The following BHMT variants were observed in gnomAD, a reference collection of about 807,000 sequenced individuals.
BHMT encodes the protein betaine--homocysteine S-methyltransferase, also known as betaine--homocysteine S-methyltransferase 1.
In BHMT, 38 loss-of-function variants were observed where a neutral mutation model predicts 49.5. The observed-to-expected ratio is 0.77, with a 90% CI of 0.59 to 1.01. BHMT has a LOEUF of 1.01. Among genes scored for constraint, BHMT ranks in the 50% least tolerant of loss-of-function variants. The probability of loss-of-function intolerance (pLI) is 0.00; values close to 1 mark genes in which losing one functional copy is unlikely to be tolerated. For missense variants in BHMT, 426 were observed against 495.7 expected, an observed-to-expected ratio of 0.86 and a Z score of 1.34; for synonymous variants, 166 against 176.3, an observed-to-expected ratio of 0.94 and a Z score of 0.46.
At chr5:79,128,834 G>A (rs750289612) in intron 7 of BHMT, among the ~76,000 whole-genome samples, 6 of 152,276 alleles carry the variant, frequency 3.9e-5, no homozygotes, top group Admixed American at 1.3e-4. Flanking sequence ...ACTGGGAAGG[G>A]CAGTAGGAAT....
At position 79,126,173 on chromosome 5, in the gene BHMT, C is replaced by T. The variant is rs1561255433; in HGVS notation, c.753C>T (p.Tyr251=). The T allele has an allele frequency of 6.2e-7, 1 of 1,613,812 alleles. No individual in the cohort carries two copies. Among genetic ancestry groups the T allele is most frequent in the Non-Finnish European group, 8.5e-7 (1 of 1,179,720 alleles). The change falls in exon 6 of 8, where the codon TAC becomes TAT. Residue 251 remains tyrosine (Y), a synonymous_variant. Coordinates refer to ENST00000274353, the MANE Select transcript of BHMT (RefSeq NM_001713.3). ...ACCTGATGAGCCAGCCCTTGGCTTACCACACTCCTGACTGCAACAAGCAGG... is the reference window on the plus strand; with the variant it reads ...ACCTGATGAGCCAGCCCTTGGCTTATCACACTCCTGACTGCAACAAGCAGG... ...KAHLMSQPLA[Y]HTPDCNKQGF...
In BHMT at chr5:79,115,940, G is replaced by A. The variant is rs58691147; in HGVS notation, c.166+41G>A. The A allele has an allele frequency of 2.9e-3, 4,561 of 1,558,996 alleles. 8 individuals are homozygous for A. The highest frequency in any genetic ancestry group is 3.2e-3 in the Non-Finnish European group (3,667 of 1,152,390). On this transcript the variant is annotated intron_variant, in intron 2 of 7. Coordinates refer to ENST00000274353, the MANE Select transcript of BHMT (RefSeq NM_001713.3). ...TATTGTAAGTTCTCATAAAGGAGCCGGGTGTGGAGGCTCATGCCTGTAATC... is the reference window on the plus strand; with the variant it reads ...TATTGTAAGTTCTCATAAAGGAGCCAGGTGTGGAGGCTCATGCCTGTAATC...
intron 4 of BHMT, 68 bp from the exon 5 acceptor site, chr5:79,121,150 C>CA (rs112263466): frequency 0.14 from 175,191 of 1,280,276 alleles, 60 homozygotes; most frequent in East Asian, 0.16. Flanking sequence ...AACTCCGTCT[C>CA]AAAAAAAAAA....
rs774498400 is a variant in BHMT at position 79,131,102 on chromosome 5, T to C, written c.1207T>C (p.Phe403Leu). The change falls in exon 8 of 8, where the codon TTC becomes CTC. Residue 403 changes from phenylalanine (F) to leucine (L), a missense_variant. Phe to Leu is a conservative substitution (Grantham distance 22). This residue lies in a region of BHMT where 73 missense variants were observed against 68.3 expected (regional missense o/e 1.07). Coordinates refer to ENST00000274353, the MANE Select transcript of BHMT (RefSeq NM_001713.3). Reference sequence around the variant, plus strand: ...GAAAGAGCTCTTTGAAAAACAAAAATTCAAATCACAGTAGCCTCGATAGAA... The same window carrying C: ...GAAAGAGCTCTTTGAAAAACAAAAACTCAAATCACAGTAGCCTCGATAGAA... ...QLKELFEKQK[F>L]KSQ 1.2e-5 allele frequency: 19 copies of C among 1,612,992 alleles called. No homozygotes were observed. Among genetic ancestry groups the C allele is most frequent in the Admixed American group, 1.7e-5 (1 of 59,802 alleles).
At position 79,125,278 on chromosome 5, in the gene BHMT, A is replaced by T. The variant is rs913104604; in HGVS notation, c.626-768A>T. On this transcript the variant is annotated intron_variant, in intron 5 of 7. Coordinates refer to ENST00000274353, the MANE Select transcript of BHMT (RefSeq NM_001713.3). ...GGAGACCATCCTGGCCAACATGGTG[A>T]AACCCTGTCTCCACTAAAAACACAA... Among the ~76,000 whole-genome samples the T allele has an allele frequency of 3.3e-5, 5 of 152,108 alleles. No individual in the cohort carries two copies. The South Asian group carries it at 1.0e-3, about 32-fold the overall frequency.
intron 5 of BHMT, 96 bp from the exon 6 acceptor site, chr5:79,125,950 G>GA (rs201234034): frequency 1.5e-3 from 1,893 of 1,262,182 alleles, no homozygotes; most frequent in African/African-American, 2.6e-3. Flanking sequence ...CTCAAAAAAT[G>GA]AAAAAAGAAC....
At position 79,119,287 on chromosome 5, in the gene BHMT, A is replaced by AGCT. The variant is rs1198181953; in HGVS notation, c.197_199dup (p.Ala66dup). On this transcript the variant is annotated inframe_insertion, in exon 3 of 8. Coordinates refer to ENST00000274353, the MANE Select transcript of BHMT (RefSeq NM_001713.3). ...GCCAGCTTCATCGAGAGTTCCTCAGAGCTGGCTCAAACGTCATGCAGACCT... is the reference window on the plus strand; with the variant it reads ...GCCAGCTTCATCGAGAGTTCCTCAGAGCTGCTGGCTCAAACGTCATGCAGACCT... 6.2e-7 allele frequency: 1 copy of AGCT among 1,613,760 alleles called. No homozygotes were observed. Among genetic ancestry groups the AGCT allele is most frequent in the East Asian group, 2.2e-5 (1 of 44,860 alleles).
intron 7 of BHMT, among the ~76,000 whole-genome samples, chr5:79,128,528 T>TAAAAAAAAA (rs376054592): frequency 7.5e-6 from 1 of 132,950 alleles, no homozygotes; most frequent in Non-Finnish European, 1.6e-5. Flanking sequence ...AGACCCTGTT[T>TAAAAAAAAA]TAAAAAAAAA....
intron 2 of BHMT, chr5:79,116,510 C>T (rs1756387887): frequency 6.6e-6 from 1 of 152,194 alleles, no homozygotes; most frequent in African/African-American, 2.4e-5. Flanking sequence ...AAATACATGA[C>T]TACCCTTACT....
At chr5:79,116,143 T>C in intron 2 of BHMT, 1 of 326,166 alleles carries the variant, frequency 3.1e-6, no homozygotes, top group Non-Finnish European at 5.5e-6. Context: ...GCTTGAGCTA[T>C]TTTATGCAAA....
At chr5:79,111,973 T>A (rs1756308891) in intron 1 of BHMT, 55 bp downstream of exon 1, 1 of 1,501,212 alleles carries the variant, frequency 6.7e-7, no homozygotes, top group Admixed American at 2.2e-5. Context: ...CTGCTCTGTA[T>A]CCCAGCCTCT....
chr5:79,114,780 A>G (rs1219851667), intron 1 of BHMT, among the ~76,000 whole-genome samples: 1 of 152,196 alleles, frequency 6.6e-6, no homozygotes, highest in Non-Finnish European at 1.5e-5. Flanking sequence ...TTAATTTCTC[A>G]TTTGTGAAAT....
At chr5:79,129,366 G>A (rs533955030) in intron 7 of BHMT, among the ~76,000 whole-genome samples, 3 of 152,316 alleles carry the variant, frequency 2.0e-5, no homozygotes, top group Non-Finnish European at 2.9e-5. Flanking sequence ...TGAATTCTGC[G>A]AGAGGAATTA....
rs1348806114 is a variant in BHMT at position 79,111,835 on chromosome 5, T to A, written c.-51T>A. The A allele has an allele frequency of 6.2e-7, 1 of 1,608,026 alleles. No individual in the cohort carries two copies. The highest frequency in any genetic ancestry group is 1.3e-5 in the African/African-American group (1 of 74,694). ...GCTCGGGGCTGCGCAGCGGGAAGGCTCGCCTAGTCGGTCCGCATCCGTGTC... is the reference window on the plus strand; with the variant it reads ...GCTCGGGGCTGCGCAGCGGGAAGGCACGCCTAGTCGGTCCGCATCCGTGTC... On this transcript the variant is annotated 5_prime_UTR_variant, in exon 1 of 8. Transcript: ENST00000274353.
At chr5:79,113,304 G>A (rs527246636) in intron 1 of BHMT, among the ~76,000 whole-genome samples, 2 of 152,226 alleles carry the variant, frequency 1.3e-5, no homozygotes, top group East Asian at 3.9e-4. Flanking sequence ...TATAGATATA[G>A]ATATTTTTTG....
chr5:79,115,279 C>A (rs568557850), intron 1 of BHMT, among the ~76,000 whole-genome samples: 132 of 149,352 alleles, frequency 8.8e-4, no homozygotes, highest in Non-Finnish European at 1.5e-3. Flanking sequence ...TTCCTCTGGG[C>A]ACATAGTGAG....
At position 79,119,366 on chromosome 5, in the gene BHMT, G is replaced by A; in HGVS notation, c.274G>A (p.Glu92Lys). The A allele has an allele frequency of 6.2e-7, 1 of 1,612,134 alleles. No individual in the cohort carries two copies. Among genetic ancestry groups the A allele is most frequent in the Admixed American group, 1.7e-5 (1 of 59,852 alleles). Residue 92 changes from glutamate (E) to lysine (K), a missense_variant, in exon 3 of 8, where the codon GAG becomes AAG. Glu to Lys is a moderately conservative substitution (Grantham distance 56). Coordinates refer to ENST00000274353, the MANE Select transcript of BHMT (RefSeq NM_001713.3). The stretch of plus-strand genomic sequence containing the variant: ...GGAGAACAGGGGCAACTATGTCTTA[G>A]AGAAGATATCTGTGAGTAAAACCAG... ...KLENRGNYVLEKISGQEVNEA... is the reference protein window; with the variant it reads ...KLENRGNYVLKKISGQEVNEA...
chr5:79,113,585 C>T (rs1756339704), intron 1 of BHMT, among the ~76,000 whole-genome samples: 1 of 152,116 alleles, frequency 6.6e-6, no homozygotes, highest in Non-Finnish European at 1.5e-5. Context: ...AGGGAAAGCA[C>T]AAAGAACAGT....
intron 3 of BHMT, 101 bp from the exon 4 acceptor site, chr5:79,120,249 A>G: frequency 1.7e-6 from 2 of 1,166,106 alleles, no homozygotes; most frequent in South Asian, 3.6e-5. Flanking sequence ...CTGGAATAAG[A>G]TACTATTGTA....
Sources: allele counts gnomAD v4.1 joint callset (sites outside exome capture counted in the v4.1 genomes callset), GRCh38; gene constraint gnomAD v4.1.1; regional missense constraint gnomAD v4.1.1; transcripts MANE v1.5; gene names NCBI Gene and HGNC (gene_info 2026-07-23, HGNC 2026-07-21).